The following MIPEP variants were observed in gnomAD, a reference collection of about 807,000 sequenced individuals.
The protein encoded by MIPEP is mitochondrial intermediate peptidase.
Under a neutral mutation model 90.3 loss-of-function variants are expected in MIPEP, and 79 were observed. The ratio of observed to expected loss-of-function variants is 0.87; its 90% CI spans 0.73 to 1.05. The LOEUF is 1.05. Among genes scored for constraint, MIPEP ranks in the 50% least tolerant of loss-of-function variants. MIPEP has a pLI of 0.00. For synonymous variants in MIPEP, 334 were observed against 315.8 expected (o/e 1.06, Z -0.61); for missense variants, 940 against 905.6 (o/e 1.04, Z -0.49).
chr13:23,881,895 C>G (rs1017889538), intron 2 of MIPEP, 108 bp from the exon 3 acceptor site: 1 of 789,390 alleles, frequency 1.3e-6, no homozygotes, highest in African/African-American at 1.7e-5. Context: ...ATTGGCTTGC[C>G]CTATGCATTT....
chr13:23,750,040 G>C (rs907629562), intron 18 of MIPEP, among the ~76,000 whole-genome samples: 1 of 151,984 alleles, frequency 6.6e-6, no homozygotes, highest in Non-Finnish European at 1.5e-5. Context: ...ACCATGAGCA[G>C]TGGTGTCACT....
At chr13:23,776,492 A>G (rs527934335) in intron 16 of MIPEP, among the ~76,000 whole-genome samples, 23 of 152,344 alleles carry the variant, frequency 1.5e-4, no homozygotes, top group Admixed American at 2.6e-4. Flanking sequence ...CTCTATTTAT[A>G]ATAGTGTTCT....
intron 14 of MIPEP, among the ~76,000 whole-genome samples, chr13:23,833,455 A>T (rs1200043244): frequency 6.6e-6 from 1 of 152,208 alleles, no homozygotes; most frequent in Non-Finnish European, 1.5e-5. Flanking sequence ...AACTTGAATT[A>T]ATTCAAAGCA....
chr13:23,760,180 C>G lies in MIPEP; in HGVS notation c.1886G>C (p.Gly629Ala). The change falls in exon 17 of 19, where the codon GGT becomes GCT. Residue 629 changes from glycine (G) to alanine (A), a missense_variant. Physicochemically the swap from Gly to Ala is moderately conservative, Grantham distance 60. Coordinates refer to ENST00000382172, the MANE Select transcript of MIPEP (RefSeq NM_005932.4). ...QLRFSHLVGY[G>A]ARYYSYLMSR... ...CATGAGGTAAGAGTAATATCTAGCACCATACCCCACGAGGTGGCTGAATCG... is the reference window on the plus strand; with the variant it reads ...CATGAGGTAAGAGTAATATCTAGCAGCATACCCCACGAGGTGGCTGAATCG... The G allele has an allele frequency of 6.2e-7, 1 of 1,614,084 alleles. No individual in the cohort carries two copies. Among genetic ancestry groups the G allele is most frequent in the Non-Finnish European group, 8.5e-7 (1 of 1,180,012 alleles).
rs563121486 is a variant in MIPEP, at chr13:23,789,336, G to A, written c.1848+16614C>T. Among the ~76,000 whole-genome samples the A allele has an allele frequency of 1.1e-4, 17 of 152,230 alleles. 1 individual carries two copies. The South Asian group carries it at 3.1e-3, about 28-fold the overall frequency. On this transcript the variant is annotated intron_variant, in intron 16 of 18. Coordinates refer to ENST00000382172, the MANE Select transcript of MIPEP (RefSeq NM_005932.4). Reference sequence around the variant, plus strand: ...TTACATTTACCAACCTTCTCTAAATGAAAAAGAGCTATCTGTCTATAGAAG... The same window carrying A: ...TTACATTTACCAACCTTCTCTAAATAAAAAAGAGCTATCTGTCTATAGAAG...
intron 16 of MIPEP, among the ~76,000 whole-genome samples, chr13:23,769,038 A>G (rs1223370131): frequency 6.6e-6 from 1 of 152,186 alleles, no homozygotes; most frequent in Non-Finnish European, 1.5e-5. Flanking sequence ...GAACCAACAA[A>G]TACTTGCTCT....
chr13:23,776,832 G>T (rs1023098101), intron 16 of MIPEP, among the ~76,000 whole-genome samples: 23 of 145,982 alleles, frequency 1.6e-4, no homozygotes, highest in African/African-American at 5.0e-4. Flanking sequence ...AAAAAAAAAA[G>T]AAGAAAATGG....
intron 14 of MIPEP, among the ~76,000 whole-genome samples, chr13:23,811,645 A>G (rs1375102070): frequency 6.6e-6 from 1 of 152,208 alleles, no homozygotes; most frequent in Non-Finnish European, 1.5e-5. Flanking sequence ...TAACTTCCCC[A>G]GCTACTCCTG....
intron 10 of MIPEP, among the ~76,000 whole-genome samples, chr13:23,858,027 T>C (rs1165384857): frequency 6.6e-6 from 1 of 152,112 alleles, no homozygotes; most frequent in African/African-American, 2.4e-5. Context: ...ATTACCTAAA[T>C]CAACCTTAAC....
At chr13:23,858,639 C>T (rs148890509) in intron 10 of MIPEP, among the ~76,000 whole-genome samples, 152 of 152,024 alleles carry the variant, frequency 1.0e-3, no homozygotes, top group African/African-American at 3.4e-3. Flanking sequence ...CAGAAAGCTA[C>T]GCAAGGGCAG....
intron 10 of MIPEP, among the ~76,000 whole-genome samples, chr13:23,849,370 C>A (rs763528039): frequency 6.6e-6 from 1 of 152,236 alleles, no homozygotes; most frequent in Non-Finnish European, 1.5e-5. Flanking sequence ...CCTGTCACCA[C>A]CTCAGACTCT....
intron 16 of MIPEP, among the ~76,000 whole-genome samples, chr13:23,796,367 G>GT (rs1242714045): frequency 2.0e-5 from 3 of 151,934 alleles, no homozygotes; most frequent in African/African-American, 7.3e-5. Context: ...CAGTAAGCTG[G>GT]CATCGTTCCA....
intron 16 of MIPEP, among the ~76,000 whole-genome samples, chr13:23,786,783 T>C (rs1952846025): frequency 6.6e-6 from 1 of 152,330 alleles, no homozygotes; most frequent in Non-Finnish European, 1.5e-5. Flanking sequence ...ACCTAATCTA[T>C]TGCACAACTT....
At chr13:23,869,494 A>G (rs772258970) in intron 6 of MIPEP, 46 bp from the exon 7 acceptor site, 6 of 1,498,068 alleles carry the variant, frequency 4.0e-6, no homozygotes, top group Middle Eastern at 1.8e-4. Flanking sequence ...ATCATCACAC[A>G]GTCCTATGCA....
At chr13:23,871,367 G>A (rs1002050804) in intron 5 of MIPEP, among the ~76,000 whole-genome samples, 1 of 152,150 alleles carries the variant, frequency 6.6e-6, no homozygotes, top group African/African-American at 2.4e-5. Context: ...GAGGAGAAGG[G>A]CTGAATTTTC....
intron 2 of MIPEP, among the ~76,000 whole-genome samples, chr13:23,883,076 C>G (rs1416329369): frequency 3.9e-5 from 6 of 151,956 alleles, no homozygotes; most frequent in African/African-American, 1.4e-4. Context: ...ATCTCACTGG[C>G]AGGTAATATC....
chr13:23,791,748 TCTC>T (rs1187461986), intron 16 of MIPEP, among the ~76,000 whole-genome samples: 1 of 152,162 alleles, frequency 6.6e-6, no homozygotes, highest in Non-Finnish European at 1.5e-5. Context: ...TATCTGTACA[TCTC>T]CTCCAAGTTC....
At chr13:23,794,015 C>A (rs578108463) in intron 16 of MIPEP, among the ~76,000 whole-genome samples, 2 of 152,196 alleles carry the variant, frequency 1.3e-5, no homozygotes, top group African/African-American at 4.8e-5. Context: ...TTAGAAAAGA[C>A]CTCACTAATG....
At chr13:23,826,936 T>C (rs1015358843) in intron 14 of MIPEP, among the ~76,000 whole-genome samples, 5 of 152,230 alleles carry the variant, frequency 3.3e-5, no homozygotes, top group African/African-American at 1.2e-4. Context: ...GTATCGAACA[T>C]GTACAGACTT....
Sources: allele counts gnomAD v4.1 joint callset (sites outside exome capture counted in the v4.1 genomes callset), GRCh38; gene constraint gnomAD v4.1.1; transcripts MANE v1.5; gene names NCBI Gene and HGNC (gene_info 2026-07-23, HGNC 2026-07-21).